RHOJ: variants seen among roughly 807,000 people sequenced by gnomAD.
RHOJ encodes rho-related GTP-binding protein RhoJ.
A neutral mutation model predicts 23.4 loss-of-function variants in RHOJ; 11 were observed. The ratio of observed to expected loss-of-function variants is 0.47; its 90% CI spans 0.30 to 0.78. The LOEUF (loss-of-function observed/expected upper bound fraction) is 0.78. Ranked by LOEUF, RHOJ falls within the 30% of genes least tolerant of loss-of-function variation. The probability of loss-of-function intolerance (pLI) is 0.08; values close to 1 mark genes in which losing one functional copy is unlikely to be tolerated. For synonymous variants in RHOJ, 102 were observed against 102.7 expected (o/e 0.99, Z 0.04); for missense variants, 254 against 273.4 (o/e 0.93, Z 0.50).
At chr14:63,252,832 CA>C (rs1895095522) in intron 1 of RHOJ, among the ~76,000 whole-genome samples, 2 of 152,062 alleles carry the variant, frequency 1.3e-5, no homozygotes, top group Admixed American at 1.3e-4. Context: ...AGGCTATTCA[CA>C]AACTCCTAGC....
At chr14:63,231,179 G>A (rs1419037351) in intron 1 of RHOJ, among the ~76,000 whole-genome samples, 3 of 152,148 alleles carry the variant, frequency 2.0e-5, no homozygotes, top group African/African-American at 7.2e-5. Context: ...GTGAGCCACC[G>A]CGCCTGGCCG....
chr14:63,220,954 T>G (rs1003466191), intron 1 of RHOJ, among the ~76,000 whole-genome samples: 1 of 152,164 alleles, frequency 6.6e-6, no homozygotes, highest in Non-Finnish European at 1.5e-5. Flanking sequence ...CTATACTGTG[T>G]TTGGTCTCTT....
chr14:63,255,848 C>G (rs1382843834), intron 1 of RHOJ, among the ~76,000 whole-genome samples: 1 of 149,958 alleles, frequency 6.7e-6, no homozygotes, highest in Non-Finnish European at 1.5e-5. Context: ...CATTATGGCA[C>G]CTTTATCCTT....
At position 63,204,823 on chromosome 14, in the gene RHOJ, A is replaced by G; in HGVS notation, c.-47A>G. ...CCGCTTCATGTGCTTTGGAAAAAGCAGGAGAAGCAATAGCAGCAGGAGTCC... is the reference window on the plus strand; with the variant it reads ...CCGCTTCATGTGCTTTGGAAAAAGCGGGAGAAGCAATAGCAGCAGGAGTCC... On this transcript the variant is annotated 5_prime_UTR_variant, in exon 1 of 5. Transcript: ENST00000316754. The G allele has an allele frequency of 6.4e-7, 1 of 1,565,154 alleles. No individual in the cohort carries two copies. Among genetic ancestry groups the G allele is most frequent in the South Asian group, 1.2e-5 (1 of 86,010 alleles).
chr14:63,285,680 G>C (rs925458728), intron 4 of RHOJ, among the ~76,000 whole-genome samples: 2 of 151,916 alleles, frequency 1.3e-5, no homozygotes, highest in African/African-American at 4.8e-5. Context: ...TATTACTGTA[G>C]TTTTTAATCC....
At chr14:63,248,307 T>C (rs748545679) in intron 1 of RHOJ, among the ~76,000 whole-genome samples, 1 of 152,156 alleles carries the variant, frequency 6.6e-6, no homozygotes, top group African/African-American at 2.4e-5. Flanking sequence ...TTTGTAGAGC[T>C]AAAGAAATAA....
chr14:63,219,037 A>G (rs1306264530), intron 1 of RHOJ, among the ~76,000 whole-genome samples: 2 of 152,214 alleles, frequency 1.3e-5, no homozygotes, highest in Non-Finnish European at 2.9e-5. Context: ...TAAACTTACC[A>G]TAGTTTTCCT....
chr14:63,283,316 G>A, intron 4 of RHOJ, 100 bp downstream of exon 4: 1 of 958,194 alleles, frequency 1.0e-6, no homozygotes, highest in African/African-American at 1.6e-5. Flanking sequence ...GCTTTAAAGT[G>A]CAATGTGTTT....
rs889823303 is a variant in RHOJ at position 63,258,134 on chromosome 14, A to G, written c.179-10976A>G. Among the ~76,000 whole-genome samples, 4 of 148,924 alleles carry G rather than the reference A, an allele frequency of 2.7e-5. 1 individual carries two copies. The highest frequency in any genetic ancestry group is 9.9e-5 in the African/African-American group (4 of 40,240). ...TCCCAGCTACTCAGGAGTCTGAGAC[A>G]GGAGAATCGCTTGAACCCGGGAGGT... On this transcript the variant is annotated intron_variant, in intron 1 of 4. Transcript: ENST00000316754.
At chr14:63,250,021 G>C (rs896411348) in intron 1 of RHOJ, among the ~76,000 whole-genome samples, 4 of 152,148 alleles carry the variant, frequency 2.6e-5, no homozygotes, top group African/African-American at 9.7e-5. Flanking sequence ...AGGGGGAAAT[G>C]TTCTCCACAT....
chr14:63,212,936 G>C (rs1894270427), intron 1 of RHOJ, among the ~76,000 whole-genome samples: 1 of 152,092 alleles, frequency 6.6e-6, no homozygotes, highest in South Asian at 2.1e-4. Context: ...AAAATGTTTT[G>C]CCACAGTATA....
At chr14:63,288,094 TA>T (rs1882139834) in intron 4 of RHOJ, 1 of 829,634 alleles carries the variant, frequency 1.2e-6, no homozygotes, top group Admixed American at 6.2e-5. Context: ...ATGACACCAA[TA>T]ATCTGATGAC....
chr14:63,256,191 C>T (rs142860452), intron 1 of RHOJ, among the ~76,000 whole-genome samples: 18 of 152,188 alleles, frequency 1.2e-4, no homozygotes, highest in Admixed American at 1.0e-3. Flanking sequence ...TGCCTGGCCA[C>T]GTGTTTATCC....
intron 1 of RHOJ, among the ~76,000 whole-genome samples, chr14:63,230,187 T>TAAAA (rs200357872): frequency 1.7e-3 from 255 of 147,112 alleles, no homozygotes; most frequent in African/African-American, 5.3e-3. Flanking sequence ...CAAAAAACGT[T>TAAAA]AAAAAAAAAA....
At chr14:63,238,388 A>G (rs2139629310) in intron 1 of RHOJ, among the ~76,000 whole-genome samples, 1 of 152,290 alleles carries the variant, frequency 6.6e-6, no homozygotes, top group East Asian at 1.9e-4. Context: ...CAGGGTCAGA[A>G]GAAAGTCTTG....
chr14:63,219,565 C>T (rs1198699186), intron 1 of RHOJ, among the ~76,000 whole-genome samples: 1 of 152,110 alleles, frequency 6.6e-6, no homozygotes, highest in Admixed American at 6.6e-5. Flanking sequence ...CACCTATAAT[C>T]CCAGCACTTT....
At chr14:63,216,133 A>G (rs1156598295) in intron 1 of RHOJ, among the ~76,000 whole-genome samples, 6 of 152,228 alleles carry the variant, frequency 3.9e-5, no homozygotes, top group African/African-American at 1.4e-4. Flanking sequence ...AGAAAACACC[A>G]AAAGGTTTTG....
At chr14:63,248,456 C>G (rs999365043) in intron 1 of RHOJ, among the ~76,000 whole-genome samples, 6 of 152,142 alleles carry the variant, frequency 3.9e-5, no homozygotes, top group Admixed American at 1.3e-4. Flanking sequence ...TATTATAGCT[C>G]TTTTCCATTT....
At chr14:63,286,785 T>C (rs1882097284) in intron 4 of RHOJ, among the ~76,000 whole-genome samples, 1 of 152,230 alleles carries the variant, frequency 6.6e-6, no homozygotes, top group South Asian at 2.1e-4. Flanking sequence ...TAACACACTT[T>C]ACATTATCCA....
Sources: gnomAD v4.1 joint callset for allele counts (sites outside exome capture counted in the v4.1 genomes callset) on GRCh38, gnomAD v4.1.1 for gene constraint, MANE v1.5 for transcripts, NCBI Gene and HGNC (gene_info 2026-07-23, HGNC 2026-07-21) for gene names.